Variants in SLC10A7 observed in about 807,000 individuals in gnomAD.
SLC10A7 encodes sodium/bile acid cotransporter 7.
Under a neutral mutation model 43.2 loss-of-function variants are expected in SLC10A7, and 29 were observed. That is an observed-to-expected ratio of 0.67 (90% confidence interval 0.50 to 0.92). The LOEUF (loss-of-function observed/expected upper bound fraction) is 0.92. Among genes scored for constraint, SLC10A7 ranks in the 40% least tolerant of loss-of-function variants. The probability of loss-of-function intolerance (pLI) is 0.00; values close to 1 mark genes in which losing one functional copy is unlikely to be tolerated. For missense variants in SLC10A7, 295 were observed against 403.2 expected (o/e 0.73, Z 2.30); for synonymous variants, 152 against 144.8 (o/e 1.05, Z -0.35).
intron 6 of SLC10A7, among the ~76,000 whole-genome samples, chr4:146,317,709 G>A (rs1307344498): frequency 2.0e-5 from 3 of 151,846 alleles, no homozygotes; most frequent in African/African-American, 4.8e-5. Context: ...GTCTTGAGCT[G>A]GGATATCCAT....
At chr4:146,473,945 G>A (rs1295847291) in intron 4 of SLC10A7, among the ~76,000 whole-genome samples, 1 of 152,074 alleles carries the variant, frequency 6.6e-6, no homozygotes, top group Non-Finnish European at 1.5e-5. Flanking sequence ...CACTGGCACA[G>A]TTATCTCTGT....
intron 5 of SLC10A7, among the ~76,000 whole-genome samples, chr4:146,407,465 G>A (rs1727810461): frequency 6.6e-6 from 1 of 152,146 alleles, no homozygotes; most frequent in African/African-American, 2.4e-5. Context: ...TAGGCATTAT[G>A]TTGTACAAAA....
At chr4:146,435,325 C>T (rs1013988791) in intron 5 of SLC10A7, among the ~76,000 whole-genome samples, 1 of 147,046 alleles carries the variant, frequency 6.8e-6, no homozygotes, top group South Asian at 2.1e-4. Context: ...CAAGTTTATA[C>T]AGTTTATGCA....
At chr4:146,505,180 T>C (rs1048856934) in intron 3 of SLC10A7, among the ~76,000 whole-genome samples, 10 of 152,304 alleles carry the variant, frequency 6.6e-5, no homozygotes, top group African/African-American at 2.4e-4. Context: ...AAGAATTTCT[T>C]CTGCTTCTGC....
chr4:146,312,249 T>C (rs1424547846), intron 6 of SLC10A7, among the ~76,000 whole-genome samples: 2 of 152,176 alleles, frequency 1.3e-5, no homozygotes, highest in African/African-American at 4.8e-5. Context: ...TGGCTTCACT[T>C]TTCTTTTTGT....
intron 5 of SLC10A7, among the ~76,000 whole-genome samples, chr4:146,370,053 A>G (rs961728111): frequency 6.6e-6 from 1 of 152,224 alleles, no homozygotes. Context: ...CTGAAAGTAA[A>G]AAAAAATCAA....
chr4:146,370,992 T>C (rs1185455031), intron 5 of SLC10A7, among the ~76,000 whole-genome samples: 2 of 152,106 alleles, frequency 1.3e-5, no homozygotes, highest in Non-Finnish European at 2.9e-5. Context: ...CCAGATCTGG[T>C]TTATGGAAGA....
chr4:146,360,345 G>A (rs551581614), intron 5 of SLC10A7, among the ~76,000 whole-genome samples: 7 of 152,052 alleles, frequency 4.6e-5, no homozygotes, highest in Non-Finnish European at 1.0e-4. Context: ...TTTCAGCAAC[G>A]CTTACTCTGT....
chr4:146,407,657 T>C (rs1727827421), intron 5 of SLC10A7, among the ~76,000 whole-genome samples: 1 of 152,236 alleles, frequency 6.6e-6, no homozygotes, highest in Non-Finnish European at 1.5e-5. Flanking sequence ...AACAAACAGC[T>C]ACTGTGCCAG....
At chr4:146,504,572 G>C (rs1238480796) in intron 3 of SLC10A7, among the ~76,000 whole-genome samples, 1 of 151,000 alleles carries the variant, frequency 6.6e-6, no homozygotes, top group African/African-American at 2.4e-5. Flanking sequence ...CATTTGGTAA[G>C]TGTATATAGT....
At chr4:146,426,301 A>G (rs1207806462) in intron 5 of SLC10A7, among the ~76,000 whole-genome samples, 1 of 152,202 alleles carries the variant, frequency 6.6e-6, no homozygotes, top group Non-Finnish European at 1.5e-5. Context: ...GAGCTCTCAG[A>G]TCTGTGAGGT....
intron 10 of SLC10A7, among the ~76,000 whole-genome samples, chr4:146,281,024 A>AT (rs1413078609): frequency 6.6e-6 from 1 of 152,168 alleles, no homozygotes; most frequent in African/African-American, 2.4e-5. Flanking sequence ...ACAGCATCAT[A>AT]TTGGAGGATC....
chr4:146,454,947 T>A (rs566844627), intron 4 of SLC10A7, among the ~76,000 whole-genome samples: 2 of 152,020 alleles, frequency 1.3e-5, no homozygotes, highest in South Asian at 4.1e-4. Context: ...TGTAAATCTC[T>A]AAGATTAAGC....
intron 5 of SLC10A7, among the ~76,000 whole-genome samples, chr4:146,360,312 T>C (rs1279000605): frequency 1.3e-5 from 2 of 152,148 alleles, no homozygotes; most frequent in Non-Finnish European, 2.9e-5. Context: ...AGAATGGGCC[T>C]TCTAAGTTAA....
chr4:146,353,076 C>A (rs1409371049), intron 5 of SLC10A7, among the ~76,000 whole-genome samples: 3 of 151,300 alleles, frequency 2.0e-5, no homozygotes, highest in Non-Finnish European at 4.4e-5. Context: ...AAAAACCCTT[C>A]AAAAAATCAA....
intron 10 of SLC10A7, among the ~76,000 whole-genome samples, chr4:146,273,287 C>T (rs980885060): frequency 9.9e-5 from 15 of 152,088 alleles, no homozygotes; most frequent in African/African-American, 3.4e-4. Context: ...CCCTCTTGTT[C>T]CTGCTCCATC....
At chr4:146,384,836 G>A (rs1737875924) in intron 5 of SLC10A7, among the ~76,000 whole-genome samples, 2 of 152,074 alleles carry the variant, frequency 1.3e-5, no homozygotes, top group Admixed American at 6.6e-5. Flanking sequence ...GGAGAGATAA[G>A]AAAGGGATAC....
chr4:146,414,297 C>A (rs1728412494), intron 5 of SLC10A7, among the ~76,000 whole-genome samples: 1 of 152,118 alleles, frequency 6.6e-6, no homozygotes, highest in African/African-American at 2.4e-5. Context: ...CACCCATGTG[C>A]CCCCACGAAA....
chr4:146,418,352 GAA>G (rs1480150285), intron 5 of SLC10A7, among the ~76,000 whole-genome samples: 1 of 152,122 alleles, frequency 6.6e-6, no homozygotes, highest in Non-Finnish European at 1.5e-5. Context: ...ATTCTGGTGT[GAA>G]AGTCAGCTGC....
Sources: gnomAD v4.1 joint callset for allele counts (sites outside exome capture counted in the v4.1 genomes callset) on GRCh38, gnomAD v4.1.1 for gene constraint, MANE v1.5 for transcripts, NCBI Gene and HGNC (gene_info 2026-07-23, HGNC 2026-07-21) for gene names.